Variants in SHISA9 observed in about 807,000 individuals in gnomAD.
SHISA9 encodes shisa family member 9, also known as protein shisa-9.
A neutral mutation model predicts 38.0 loss-of-function variants in SHISA9; 13 were observed. The ratio of observed to expected loss-of-function variants is 0.34; its 90% CI spans 0.22 to 0.54. The LOEUF (loss-of-function observed/expected upper bound fraction) is 0.54. Among genes scored for constraint, SHISA9 ranks in the 20% least tolerant of loss-of-function variants. SHISA9 has a pLI of 0.91. For missense variants in SHISA9, 538 were observed against 575.8 expected (o/e 0.93, Z 0.67); for synonymous variants, 275 against 242.0 (o/e 1.14, Z -1.27).
intron 4 of SHISA9, among the ~76,000 whole-genome samples, chr16:13,224,620 C>G (rs1265290128): frequency 6.6e-6 from 1 of 152,240 alleles, no homozygotes; most frequent in Non-Finnish European, 1.5e-5. Context: ...AGAACAGACA[C>G]AACCTCTGCC....
chr16:12,909,684 A>T, intron 1 of SHISA9: 1 of 820,016 alleles, frequency 1.2e-6, no homozygotes, highest in Non-Finnish European at 1.5e-6. Context: ...GACCAGGCTT[A>T]GTTGCTTCCC....
intron 1 of SHISA9, among the ~76,000 whole-genome samples, chr16:12,903,923 C>G (rs182018736): frequency 1.6e-4 from 24 of 151,940 alleles, no homozygotes; most frequent in African/African-American, 5.3e-4. Context: ...TCTATTTATA[C>G]GCAGAGTATC....
the SHISA9 span, among the ~76,000 whole-genome samples, chr16:13,297,913 C>T: frequency 6.6e-6 from 1 of 152,138 alleles, no homozygotes; most frequent in South Asian, 2.1e-4. Context: ...TGCGCCACCA[C>T]GTCCAGGTAA....
At chr16:13,035,923 A>C (rs1024130017) in intron 2 of SHISA9, among the ~76,000 whole-genome samples, 6 of 152,230 alleles carry the variant, frequency 3.9e-5, no homozygotes, top group African/African-American at 1.4e-4. Flanking sequence ...GTCATTAGTC[A>C]TCAGGGAAAT....
At chr16:13,031,096 G>T (rs1194488771) in intron 2 of SHISA9, among the ~76,000 whole-genome samples, 4 of 152,140 alleles carry the variant, frequency 2.6e-5, no homozygotes, top group East Asian at 3.9e-4. Flanking sequence ...GTAAACAATG[G>T]CCAAACCAGG....
the SHISA9 span, among the ~76,000 whole-genome samples, chr16:13,442,871 A>G: frequency 6.6e-6 from 1 of 152,182 alleles, no homozygotes; most frequent in African/African-American, 2.4e-5. Flanking sequence ...TAAGTTTGCA[A>G]CTTCCAGTGA....
the SHISA9 span, among the ~76,000 whole-genome samples, chr16:13,457,617 G>C: frequency 6.6e-6 from 1 of 151,432 alleles, no homozygotes. Flanking sequence ...CCTTCTGCTT[G>C]TTCTCTGTTG....
chr16:13,086,976 C>T (rs8056233), intron 2 of SHISA9, among the ~76,000 whole-genome samples: 4 of 148,382 alleles, frequency 2.7e-5, no homozygotes, highest in East Asian at 2.0e-4. Flanking sequence ...CCCCCACCCC[C>T]CAACAGGCCC....
intron 2 of SHISA9, among the ~76,000 whole-genome samples, chr16:12,961,927 G>A (rs2071917030): frequency 6.6e-6 from 1 of 152,188 alleles, no homozygotes; most frequent in African/African-American, 2.4e-5. Context: ...CAGCATGACT[G>A]AGACTGAGAA....
intron 2 of SHISA9, among the ~76,000 whole-genome samples, chr16:13,062,819 C>T (rs189417124): frequency 8.4e-4 from 127 of 152,054 alleles, no homozygotes; most frequent in African/African-American, 2.8e-3. Context: ...CTGTTTATTC[C>T]GATGATGGAG....
chr16:13,414,646 C>CTTTTTTTTTTTTTTTTTTT, the SHISA9 span, among the ~76,000 whole-genome samples: 5 of 136,602 alleles, frequency 3.7e-5, 1 homozygote, highest in African/African-American at 8.1e-5. Context: ...TTCTTTCTTT[C>CTTTTTTTTTTTTTTTTTTT]TTTCTTTTTT....
At chr16:13,060,655 A>AC (rs2073363832) in intron 2 of SHISA9, among the ~76,000 whole-genome samples, 1 of 151,570 alleles carries the variant, frequency 6.6e-6, no homozygotes, top group Non-Finnish European at 1.5e-5. Context: ...AAAAAAAAAA[A>AC]AAAAAACACT....
chr16:13,309,775 A>T, the SHISA9 span, among the ~76,000 whole-genome samples: 4 of 152,114 alleles, frequency 2.6e-5, no homozygotes, highest in Non-Finnish European at 5.9e-5. Flanking sequence ...ATAATGGGTC[A>T]TGACCACACT....
At chr16:13,354,697 T>G in the SHISA9 span, among the ~76,000 whole-genome samples, 1 of 151,696 alleles carries the variant, frequency 6.6e-6, no homozygotes, top group Non-Finnish European at 1.5e-5. Flanking sequence ...AAGGTCAAGT[T>G]GTTTGGACAG....
At chr16:13,096,325 G>A (rs1241397145) in intron 2 of SHISA9, among the ~76,000 whole-genome samples, 1 of 152,152 alleles carries the variant, frequency 6.6e-6, no homozygotes, top group African/African-American at 2.4e-5. Context: ...CCCAAGCCTT[G>A]CGACACAGAA....
At chr16:13,461,861 C>A in the SHISA9 span, among the ~76,000 whole-genome samples, 1 of 151,942 alleles carries the variant, frequency 6.6e-6, no homozygotes, top group Admixed American at 6.5e-5. Context: ...GATCCGCCCA[C>A]CTCGGCCTCC....
chr16:13,093,243 G>A (rs898526875), intron 2 of SHISA9, among the ~76,000 whole-genome samples: 15 of 152,138 alleles, frequency 9.9e-5, no homozygotes, highest in African/African-American at 3.6e-4. Context: ...TGACTTAGAT[G>A]AGAGAAACTT....
At chr16:13,283,729 G>A in the SHISA9 span, among the ~76,000 whole-genome samples, 3 of 151,902 alleles carry the variant, frequency 2.0e-5, no homozygotes, top group South Asian at 6.2e-4. Context: ...ATATCATCTA[G>A]GATGTGTCTT....
chr16:13,203,806 A>G (rs1004979832), intron 3 of SHISA9, among the ~76,000 whole-genome samples: 5 of 151,990 alleles, frequency 3.3e-5, no homozygotes, highest in African/African-American at 9.7e-5. Context: ...CCATTCATCC[A>G]TCCACCTATT....
Sources: allele counts gnomAD v4.1 joint callset (sites outside exome capture counted in the v4.1 genomes callset), GRCh38; gene constraint gnomAD v4.1.1; transcripts MANE v1.5; gene names NCBI Gene and HGNC (gene_info 2026-07-23, HGNC 2026-07-21).